The following VPS45 variants were observed in gnomAD, a reference collection of about 807,000 sequenced individuals.
VPS45 encodes the protein vacuolar protein sorting-associated protein 45.
In VPS45, 35 loss-of-function variants were observed where a neutral mutation model predicts 75.9. That is an observed-to-expected ratio of 0.46 (90% confidence interval 0.35 to 0.61). VPS45 has a LOEUF of 0.61. VPS45 is among the 20% of genes least tolerant of loss of function. VPS45 has a pLI of 0.00. For synonymous variants in VPS45, 220 were observed against 238.2 expected (o/e 0.92, Z 0.70); for missense variants, 559 against 685.9 (o/e 0.81, Z 2.07).
chr1:150,072,461 C>G (rs1655131648), intron 3 of VPS45, among the ~76,000 whole-genome samples: 1 of 152,148 alleles, frequency 6.6e-6, no homozygotes, highest in South Asian at 2.1e-4. Flanking sequence ...AGTTTGAGAC[C>G]AGCCTGACCA....
intron 14 of VPS45, among the ~76,000 whole-genome samples, chr1:150,125,887 C>T (rs1658490577): frequency 1.3e-5 from 2 of 152,040 alleles, no homozygotes; most frequent in South Asian, 2.1e-4. Context: ...GGGCTTTCAC[C>T]ATCTTGGCCA....
chr1:150,115,096 TAC>T (rs1226298716), intron 14 of VPS45, among the ~76,000 whole-genome samples: 2 of 152,198 alleles, frequency 1.3e-5, no homozygotes, highest in African/African-American at 2.4e-5. Context: ...CTGGAAATTT[TAC>T]AGTCATTATT....
At chr1:150,107,326 A>G (rs1553806014) in intron 13 of VPS45, among the ~76,000 whole-genome samples, 1 of 152,072 alleles carries the variant, frequency 6.6e-6, no homozygotes, top group African/African-American at 2.4e-5. Context: ...TTTTTCTCAA[A>G]CCTAAACCAC....
intron 14 of VPS45, among the ~76,000 whole-genome samples, chr1:150,141,129 C>T (rs1659370432): frequency 6.6e-6 from 1 of 152,210 alleles, no homozygotes; most frequent in East Asian, 1.9e-4. Context: ...TACCCACTCC[C>T]ATACTCCTAA....
chr1:150,134,993 T>A (rs1314482051), intron 14 of VPS45, among the ~76,000 whole-genome samples: 1 of 152,154 alleles, frequency 6.6e-6, no homozygotes, highest in Non-Finnish European at 1.5e-5. Flanking sequence ...AAATAAAACA[T>A]CCCTGTCTTC....
chr1:150,122,999 A>AAC (rs1334982898), intron 14 of VPS45, among the ~76,000 whole-genome samples: 12 of 151,716 alleles, frequency 7.9e-5, no homozygotes, highest in Admixed American at 2.0e-4. Flanking sequence ...AAAAAAAAAA[A>AAC]AAAAAGCATT....
At chr1:150,069,159 C>T (rs1294776347) in intron 2 of VPS45, among the ~76,000 whole-genome samples, 3 of 152,160 alleles carry the variant, frequency 2.0e-5, no homozygotes, top group African/African-American at 7.2e-5. Flanking sequence ...CCTGTGGTGG[C>T]TTGATGTTAC....
chr1:150,143,983 A>G (rs1659543390), intron 14 of VPS45, among the ~76,000 whole-genome samples: 1 of 152,246 alleles, frequency 6.6e-6, no homozygotes, highest in Non-Finnish European at 1.5e-5. Flanking sequence ...AACAAAATGA[A>G]TATAAGTATT....
At chr1:150,076,785 A>C (rs782802390) in intron 4 of VPS45, 131 bp from the exon 5 acceptor site, 3 of 898,650 alleles carry the variant, frequency 3.3e-6, no homozygotes, top group Non-Finnish European at 5.2e-6. Context: ...TTATTAATTG[A>C]ACAATTTAGT....
chr1:150,087,407 G>GAAA (rs1656073851), intron 10 of VPS45, among the ~76,000 whole-genome samples: 1 of 152,096 alleles, frequency 6.6e-6, no homozygotes, highest in African/African-American at 2.4e-5. Context: ...TAGTCACAAG[G>GAAA]CTGATGGAAA....
Position 150,077,758 on chromosome 1 carries a change from C to T in VPS45, c.666C>T (p.Ala222=). Residue 222 remains alanine (A), a synonymous_variant, in exon 7 of 15, where the codon GCC becomes GCT. Transcript: ENST00000644510. ...TTATTTTAGATCGCTGTGATGATGC[C>T]ATCACCCCATTGCTAAACCAGGTAC... is the stretch of plus-strand genomic sequence containing the variant. ...LLLILDRCDD[A]ITPLLNQWTY... The T allele has an allele frequency of 6.2e-7, 1 of 1,613,786 alleles. No homozygotes were observed. The highest frequency in any genetic ancestry group is 8.5e-7 in the Non-Finnish European group (1 of 1,179,822).
intron 14 of VPS45, among the ~76,000 whole-genome samples, chr1:150,125,140 A>C (rs1394549871): frequency 6.7e-6 from 1 of 149,830 alleles, no homozygotes; most frequent in Non-Finnish European, 1.5e-5. Context: ...TGCTTTTTTA[A>C]ATTTTTAATT....
In VPS45 at chr1:150,144,756, A is replaced by G. The variant is rs1002524539; in HGVS notation, c.1673A>G (p.Glu558Gly). 1 of 1,614,204 alleles carries G rather than the reference A, an allele frequency of 6.2e-7. No homozygotes were observed. The change falls in exon 15 of 15, where the codon GAG (glutamate) becomes GGG (glycine). Residue 558 changes from glutamate to glycine, a missense_variant. Transcript: ENST00000644510. ...TCTGGACTGCACAGCCGAAGCAAGGAGAGCTCTCAAGTCACATCAAGGTCA... is the reference window on the plus strand; with the variant it reads ...TCTGGACTGCACAGCCGAAGCAAGGGGAGCTCTCAAGTCACATCAAGGTCA... The part of the protein sequence containing the change: ...LASGLHSRSK[E>G]SSQVTSRSAS...
chr1:150,105,403 A>C (rs587733332), intron 13 of VPS45, among the ~76,000 whole-genome samples: 1 of 152,338 alleles, frequency 6.6e-6, no homozygotes, highest in East Asian at 1.9e-4. Context: ...CCTAGACTTG[A>C]TAAGTGATTT....
chr1:150,089,763 C>T (rs587599250), intron 10 of VPS45, among the ~76,000 whole-genome samples: 10 of 152,176 alleles, frequency 6.6e-5, no homozygotes, highest in Non-Finnish European at 1.5e-4. Flanking sequence ...AATAGTGGAA[C>T]ATTTGAACAG....
intron 10 of VPS45, among the ~76,000 whole-genome samples, chr1:150,087,479 C>T (rs931557279): frequency 6.6e-6 from 1 of 152,098 alleles, no homozygotes; most frequent in Non-Finnish European, 1.5e-5. Flanking sequence ...TAAATACTAC[C>T]GTGTAGCATA....
At chr1:150,117,703 A>G (rs918394823) in intron 14 of VPS45, among the ~76,000 whole-genome samples, 11 of 150,762 alleles carry the variant, frequency 7.3e-5, no homozygotes, top group Admixed American at 5.9e-4. Flanking sequence ...TACCAAAAAT[A>G]CAAAAAAGTA....
intron 14 of VPS45, among the ~76,000 whole-genome samples, chr1:150,116,710 T>C (rs1553808382): frequency 6.6e-6 from 1 of 152,180 alleles, no homozygotes; most frequent in African/African-American, 2.4e-5. Flanking sequence ...ATGAGTTATT[T>C]CATGAATGTT....
chr1:150,115,951 G>C (rs1441700884), intron 14 of VPS45, among the ~76,000 whole-genome samples: 1 of 152,148 alleles, frequency 6.6e-6, no homozygotes, highest in Non-Finnish European at 1.5e-5. Context: ...ATCAAGCTAA[G>C]TTTTGGTTCC....
Sources: gnomAD v4.1 joint callset for allele counts (sites outside exome capture counted in the v4.1 genomes callset) on GRCh38, gnomAD v4.1.1 for gene constraint, MANE v1.5 for transcripts, NCBI Gene and HGNC (gene_info 2026-07-23, HGNC 2026-07-21) for gene names.